DSCAM: variants seen among roughly 807,000 people sequenced by gnomAD.
The protein encoded by DSCAM is cell adhesion molecule DSCAM.
A neutral mutation model predicts 217.7 loss-of-function variants in DSCAM; 47 were observed. The ratio of observed to expected loss-of-function variants is 0.22; its 90% confidence interval spans 0.17 to 0.28. The LOEUF is 0.28. Ranked by LOEUF, DSCAM falls within the 10% of genes least tolerant of loss-of-function variation. DSCAM has a pLI of 1.00. For missense variants in DSCAM, 2,080 were observed against 2,618.3 expected (o/e 0.79, Z 4.49); for synonymous variants, 1,056 against 1,015.3 (o/e 1.04, Z -0.76).
intron 1 of DSCAM, among the ~76,000 whole-genome samples, chr21:40,776,577 A>G (rs1195647840): frequency 6.6e-6 from 1 of 152,190 alleles, no homozygotes; most frequent in Non-Finnish European, 1.5e-5. Context: ...GACAGAGAGC[A>G]TATGATGTGT....
chr21:40,602,053 CTT>C (rs761687929), intron 3 of DSCAM, among the ~76,000 whole-genome samples: 37 of 89,512 alleles, frequency 4.1e-4, no homozygotes, highest in South Asian at 1.2e-3. Flanking sequence ...TCTGCTTCTA[CTT>C]TTTTTTTTTT....
chr21:40,242,904 C>A (rs1267370956), intron 11 of DSCAM, among the ~76,000 whole-genome samples: 1 of 152,214 alleles, frequency 6.6e-6, no homozygotes, highest in Non-Finnish European at 1.5e-5. Context: ...CCACTCATTT[C>A]CACCTCACGT....
chr21:40,794,034 A>G (rs775916541), intron 1 of DSCAM, among the ~76,000 whole-genome samples: 66 of 152,142 alleles, frequency 4.3e-4, no homozygotes, highest in Non-Finnish European at 2.2e-4. Context: ...TCCTCTTAAA[A>G]AGCAATGTTC....
chr21:40,617,414 G>A (rs1201407266), intron 3 of DSCAM, among the ~76,000 whole-genome samples: 1 of 152,010 alleles, frequency 6.6e-6, no homozygotes, highest in Admixed American at 6.5e-5. Flanking sequence ...GTGAGCCACC[G>A]CGCCCGGCCC....
chr21:40,763,168 C>T (rs923753838), intron 1 of DSCAM, among the ~76,000 whole-genome samples: 9 of 152,128 alleles, frequency 5.9e-5, no homozygotes, highest in South Asian at 2.1e-4. Context: ...TGTGTGCAGA[C>T]GACATGATTG....
chr21:40,535,548 T>C (rs562147394), intron 3 of DSCAM, among the ~76,000 whole-genome samples: 26 of 152,224 alleles, frequency 1.7e-4, no homozygotes, highest in Non-Finnish European at 3.4e-4. Flanking sequence ...CTCAACTAAC[T>C]GTAGATATGC....
rs59901955 is a variant in DSCAM at position 40,485,237 on chromosome 21, CTTTT to C, written c.509-115996_509-115993del. On this transcript the variant is annotated intron_variant, in intron 3 of 32. Coordinates refer to ENST00000400454, the MANE Select transcript of DSCAM (RefSeq NM_001389.5). ...TTTCAATATCACACTGACTTTCTTT[CTTTT>C]TTTTTTTTTTTTTTTTTGAGACGGA... Among the ~76,000 whole-genome samples the C allele has an allele frequency of 3.1e-3, 336 of 108,176 alleles. 1 individual carries two copies. Among genetic ancestry groups the C allele is most frequent in the African/African-American group, 0.011 (303 of 26,754 alleles). The allele number at this position is 108,176 out of a possible 152,430, so 71.0% of individuals were successfully genotyped here.
At position 40,042,307 on chromosome 21, in the gene DSCAM, T is replaced by G; in HGVS notation, c.5686+64A>C. ...CACTGAGAAGGGCTTTCACAGCAGA[T>G]GAGGGAGGACCAGGAAGGTGCACTT... is the stretch of plus-strand genomic sequence containing the variant. On this transcript the variant is annotated intron_variant, in intron 32 of 32. Coordinates refer to ENST00000400454, the MANE Select transcript of DSCAM (RefSeq NM_001389.5). 6 of 1,554,400 alleles carry G rather than the reference T, an allele frequency of 3.9e-6. No individual in the cohort carries two copies. The South Asian group carries it at 4.9e-5, about 13-fold the overall frequency.
At chr21:40,537,998 G>C (rs576757943) in intron 3 of DSCAM, among the ~76,000 whole-genome samples, 4 of 152,202 alleles carry the variant, frequency 2.6e-5, no homozygotes, top group Non-Finnish European at 5.9e-5. Context: ...CTCAGAGAGA[G>C]CGCTCAATAA....
chr21:40,543,229 G>A (rs1438734793), intron 3 of DSCAM, among the ~76,000 whole-genome samples: 1 of 152,114 alleles, frequency 6.6e-6, no homozygotes, highest in Non-Finnish European at 1.5e-5. Flanking sequence ...AAAACCTGAT[G>A]TATTCACCTC....
At chr21:40,196,674 T>C (rs1281106098) in intron 11 of DSCAM, among the ~76,000 whole-genome samples, 1 of 151,994 alleles carries the variant, frequency 6.6e-6, no homozygotes, top group Non-Finnish European at 1.5e-5. Flanking sequence ...TTCCCCTCTC[T>C]TTCTTCTGTT....
chr21:40,803,778 A>G (rs905586510), intron 1 of DSCAM, among the ~76,000 whole-genome samples: 3 of 150,200 alleles, frequency 2.0e-5, no homozygotes, highest in South Asian at 2.2e-4. Flanking sequence ...AGAATGGGGA[A>G]AAAAAAAACA....
At chr21:40,439,789 C>T (rs927290086) in intron 3 of DSCAM, among the ~76,000 whole-genome samples, 1 of 152,080 alleles carries the variant, frequency 6.6e-6, no homozygotes, top group Non-Finnish European at 1.5e-5. Context: ...AGGGAAACAC[C>T]CCCTTACAAA....
Position 40,196,446 on chromosome 21 carries a change from T to A in DSCAM, c.2357-7208A>T, listed in dbSNP as rs188073265. Among the ~76,000 whole-genome samples the A allele has an allele frequency of 5.9e-5, 9 of 152,264 alleles. No individual in the cohort carries two copies. The East Asian group carries it at 1.4e-3, about 23-fold the overall frequency. ...CCACCGCACGTTGGCTCAGAGTCCC[T>A]GGGGGTGGGGGTTATGCATGGATTT... On this transcript the variant is annotated intron_variant, in intron 11 of 32. Coordinates refer to ENST00000400454, the MANE Select transcript of DSCAM (RefSeq NM_001389.5).
At chr21:40,113,071 C>T (rs1414533568) in intron 20 of DSCAM, among the ~76,000 whole-genome samples, 2 of 152,086 alleles carry the variant, frequency 1.3e-5, no homozygotes, top group African/African-American at 2.4e-5. Context: ...TTTTATGAGG[C>T]CAGCATCATC....
intron 3 of DSCAM, among the ~76,000 whole-genome samples, chr21:40,623,047 C>A (rs1222612731): frequency 6.6e-6 from 1 of 152,048 alleles, no homozygotes; most frequent in African/African-American, 2.4e-5. Context: ...CTGCCGCTAC[C>A]CACAAATTGA....
intron 3 of DSCAM, among the ~76,000 whole-genome samples, chr21:40,496,313 A>T (rs2076118107): frequency 6.6e-6 from 1 of 152,202 alleles, no homozygotes; most frequent in African/African-American, 2.4e-5. Flanking sequence ...ACTGGCATAG[A>T]AACAGACACA....
intron 3 of DSCAM, among the ~76,000 whole-genome samples, chr21:40,435,782 T>C (rs748896332): frequency 4.6e-5 from 7 of 152,368 alleles, no homozygotes; most frequent in Non-Finnish European, 1.0e-4. Flanking sequence ...TCCTGTCCGA[T>C]GGTTTGACTT....
chr21:40,519,173 C>G (rs1157306305), intron 3 of DSCAM, among the ~76,000 whole-genome samples: 1 of 152,102 alleles, frequency 6.6e-6, no homozygotes, highest in African/African-American at 2.4e-5. Flanking sequence ...TTATTTTACT[C>G]TTCCTAGGCA....
Sources: gnomAD v4.1 joint callset for allele counts (sites outside exome capture counted in the v4.1 genomes callset) on GRCh38, gnomAD v4.1.1 for gene constraint, MANE v1.5 for transcripts, NCBI Gene and HGNC (gene_info 2026-07-23, HGNC 2026-07-21) for gene names.